The following CYP7B1 variants were observed in gnomAD, a reference collection of about 807,000 sequenced individuals.
CYP7B1 encodes cytochrome P450 family 7 subfamily B member 1, also known as cytochrome P450 7B1.
CYP7B1 carries 29 observed loss-of-function variants against 42.7 expected under a neutral mutation model. The ratio of observed to expected loss-of-function variants is 0.68; its 90% confidence interval spans 0.51 to 0.93. The LOEUF is 0.93. Among genes scored for constraint, CYP7B1 ranks in the 40% least tolerant of loss-of-function variants. CYP7B1 has a pLI of 0.00. For missense variants in CYP7B1, 655 were observed against 600.5 expected, an observed-to-expected ratio of 1.09 and a Z score of -0.95; for synonymous variants, 235 against 218.2, an observed-to-expected ratio of 1.08 and a Z score of -0.68.
chr8:64,685,763 G>A (rs1344888676), intron 1 of CYP7B1, among the ~76,000 whole-genome samples: 8 of 59,114 alleles, frequency 1.4e-4, no homozygotes, highest in Admixed American at 3.1e-4. Context: ...CACCCCATCC[G>A]GGAGGGAGGT....
intron 1 of CYP7B1, among the ~76,000 whole-genome samples, chr8:64,741,572 C>G (rs1807568696): frequency 6.6e-6 from 1 of 152,168 alleles, no homozygotes; most frequent in Admixed American, 6.5e-5. Flanking sequence ...CCCACCTTGG[C>G]CTCCCATAGC....
At chr8:64,758,499 T>A (rs2129633651) in intron 1 of CYP7B1, among the ~76,000 whole-genome samples, 1 of 152,248 alleles carries the variant, frequency 6.6e-6, no homozygotes, top group East Asian at 1.9e-4. Context: ...GAGATAATAA[T>A]TTGTTTCACA....
Position 64,593,392 on chromosome 8 carries a change from C to CCTAT in CYP7B1, c.*3246_*3249dup, listed in dbSNP as rs1805068323. Among the ~76,000 whole-genome samples the CCTAT allele has an allele frequency of 6.6e-6, 1 of 151,962 alleles. No homozygotes were observed. The highest frequency in any genetic ancestry group is 1.5e-5 in the Non-Finnish European group (1 of 68,010). On this transcript the variant is annotated 3_prime_UTR_variant, in exon 6 of 6. Transcript: ENST00000310193. Reference sequence around the variant, plus strand: ...CAGAGCAAAACTGTCAGTATATTTGCCTATCTCAGTCTTAGCTCCGGGTAA... The same window carrying CCTAT: ...CAGAGCAAAACTGTCAGTATATTTGCCTATCTATCTCAGTCTTAGCTCCGGGTAA...
At chr8:64,796,133 G>A (rs963075686) in intron 1 of CYP7B1, among the ~76,000 whole-genome samples, 1 of 152,204 alleles carries the variant, frequency 6.6e-6, no homozygotes, top group Non-Finnish European at 1.5e-5. Flanking sequence ...CTCTCAATGT[G>A]ATAATGGAAA....
Position 64,685,706 on chromosome 8 carries a change from C to G in CYP7B1, c.123-61167G>C, listed in dbSNP as rs1276298672. Among the ~76,000 whole-genome samples, 89 of 52,598 alleles carry G rather than the reference C, an allele frequency of 1.7e-3. 7 individuals are homozygous for G. The highest frequency in any genetic ancestry group is 4.9e-3 in the African/African-American group (84 of 17,038). The allele number at this position is 52,598 out of a possible 152,430, so 34.5% of individuals were successfully genotyped here. A position where few individuals can be genotyped will look rare whatever the true frequency, so the allele number is the denominator to read the frequency against. On this transcript the variant is annotated intron_variant, in intron 1 of 5. Transcript: ENST00000310193. ...CTGAGAAGTGAGGAGCCTCTCCGCC[C>G]GGCAGCCACCCCATCTGGGAAGTGA...
At chr8:64,664,733 C>T (rs548708302) in intron 1 of CYP7B1, among the ~76,000 whole-genome samples, 25 of 152,266 alleles carry the variant, frequency 1.6e-4, no homozygotes, top group South Asian at 6.2e-4. Flanking sequence ...AGGACAGGGC[C>T]GTGAGCTGAG....
intron 1 of CYP7B1, among the ~76,000 whole-genome samples, chr8:64,643,847 G>GT (rs1368542213): frequency 3.3e-5 from 5 of 152,106 alleles, no homozygotes; most frequent in South Asian, 2.1e-4. Context: ...ACTCCTACCT[G>GT]TTTAAGTTTT....
chr8:64,769,163 T>C (rs1010186181), intron 1 of CYP7B1, among the ~76,000 whole-genome samples: 16 of 152,352 alleles, frequency 1.1e-4, no homozygotes, highest in African/African-American at 3.4e-4. Flanking sequence ...TTGTGATATA[T>C]TACTCTTAAA....
chr8:64,600,529 T>C (rs1301393339), intron 5 of CYP7B1, among the ~76,000 whole-genome samples: 1 of 152,178 alleles, frequency 6.6e-6, no homozygotes, highest in African/African-American at 2.4e-5. Flanking sequence ...GTGTTTTGAA[T>C]GCATGGCTAA....
At chr8:64,783,541 CTTTT>C (rs34281051) in intron 1 of CYP7B1, among the ~76,000 whole-genome samples, 2 of 142,968 alleles carry the variant, frequency 1.4e-5, no homozygotes, top group Non-Finnish European at 1.5e-5. Flanking sequence ...TTCCATACTA[CTTTT>C]TTTTTTTTTT....
chr8:64,792,190 C>A (rs1000242301), intron 1 of CYP7B1, among the ~76,000 whole-genome samples: 1 of 152,022 alleles, frequency 6.6e-6, no homozygotes, highest in Non-Finnish European at 1.5e-5. Context: ...AGATATTTAG[C>A]TGAGGAGATT....
At chr8:64,645,608 A>C (rs1805939181) in intron 1 of CYP7B1, among the ~76,000 whole-genome samples, 1 of 152,200 alleles carries the variant, frequency 6.6e-6, no homozygotes, top group Non-Finnish European at 1.5e-5. Flanking sequence ...ATATCGTGAA[A>C]ATGGCCATAC....
At chr8:64,685,522 A>C in intron 1 of CYP7B1, among the ~76,000 whole-genome samples, 1 of 26,820 alleles carries the variant, frequency 3.7e-5, no homozygotes, top group South Asian at 1.2e-3. Context: ...CCGCCGCCCC[A>C]TCTGGGATGT....
chr8:64,781,497 C>T (rs970828379), intron 1 of CYP7B1, among the ~76,000 whole-genome samples: 9 of 152,072 alleles, frequency 5.9e-5, no homozygotes, highest in Non-Finnish European at 1.2e-4. Flanking sequence ...TGTTTCTTTG[C>T]CTTTTCCAGC....
chr8:64,759,268 T>C (rs1807852101), intron 1 of CYP7B1, among the ~76,000 whole-genome samples: 3 of 152,180 alleles, frequency 2.0e-5, no homozygotes, highest in Admixed American at 2.0e-4. Context: ...CAGGACAAAA[T>C]GCAAGAGGTC....
At chr8:64,777,388 G>C (rs1455803353) in intron 1 of CYP7B1, among the ~76,000 whole-genome samples, 1 of 151,956 alleles carries the variant, frequency 6.6e-6, no homozygotes, top group Non-Finnish European at 1.5e-5. Flanking sequence ...GCCTCAGCTA[G>C]GAAATTAACC....
rs558803958 is a variant in CYP7B1, at chr8:64,594,867, C to T, written c.*1775G>A. ...TGTAGAGTGTGAGAACAGTAATATT[C>T]ACAGAGAGAATGGCTGAGAAGATTC... On this transcript the variant is annotated 3_prime_UTR_variant, in exon 6 of 6. Transcript: ENST00000310193. Among the ~76,000 whole-genome samples the T allele has an allele frequency of 6.6e-6, 1 of 152,202 alleles. No individual in the cohort carries two copies. Among genetic ancestry groups the T allele is most frequent in the South Asian group, 2.1e-4 (1 of 4,812 alleles).
chr8:64,702,904 T>C (rs1053604284), intron 1 of CYP7B1, among the ~76,000 whole-genome samples: 4 of 152,100 alleles, frequency 2.6e-5, no homozygotes, highest in African/African-American at 4.8e-5. Context: ...TTCTAATCTC[T>C]GTTCCATATT....
At chr8:64,774,102 G>A (rs952760124) in intron 1 of CYP7B1, among the ~76,000 whole-genome samples, 6 of 152,052 alleles carry the variant, frequency 3.9e-5, no homozygotes, top group East Asian at 1.9e-4. Flanking sequence ...CCCACATCCA[G>A]TCCAACACCA....
Sources: gnomAD v4.1 joint callset for allele counts (sites outside exome capture counted in the v4.1 genomes callset) on GRCh38, gnomAD v4.1.1 for gene constraint, MANE v1.5 for transcripts, NCBI Gene and HGNC (gene_info 2026-07-23, HGNC 2026-07-21) for gene names.